Variants in NALF1 observed in about 807,000 individuals in gnomAD.
NALF1 encodes the protein family with sequence similarity 155 member A.
A neutral mutation model predicts 48.4 loss-of-function variants in NALF1; 3 were observed. The observed-to-expected ratio is 0.06, with a 90% CI of 0.03 to 0.16. The LOEUF (loss-of-function observed/expected upper bound fraction) is 0.16, where lower values mean the gene tolerates loss of function less well. Ranked by LOEUF, NALF1 falls within the 10% of genes least tolerant of loss-of-function variation. The probability of loss-of-function intolerance (pLI) is 1.00; values close to 1 mark genes in which losing one functional copy is unlikely to be tolerated. For synonymous variants in NALF1, 262 were observed against 245.7 expected (o/e 1.07, Z -0.62); for missense variants, 526 against 571.5 (o/e 0.92, Z 0.81).
chr13:107,849,536 T>G (rs1365067747), intron 1 of NALF1, among the ~76,000 whole-genome samples: 1 of 152,088 alleles, frequency 6.6e-6, no homozygotes, highest in East Asian at 1.9e-4. Context: ...GCCCAAGGCC[T>G]CTCTATGAGG....
intron 1 of NALF1, among the ~76,000 whole-genome samples, chr13:107,653,897 T>G (rs2138470161): frequency 6.6e-6 from 1 of 152,178 alleles, no homozygotes; most frequent in Non-Finnish European, 1.5e-5. Context: ...CAAAAATATC[T>G]TCTTTCATTT....
chr13:107,848,176 A>G (rs1880220459), intron 1 of NALF1, among the ~76,000 whole-genome samples: 1 of 152,214 alleles, frequency 6.6e-6, no homozygotes, highest in South Asian at 2.1e-4. Context: ...TGGTTTCTAC[A>G]AACTGTTAAC....
rs908596562 is a variant in NALF1 at position 107,177,218 on chromosome 13, C to T, written c.1088-6432G>A. On this transcript the variant is annotated intron_variant, in intron 2 of 2. Transcript: ENST00000375915. Reference sequence around the variant, plus strand: ...TGCAACATTGATGAAAGAAAGAGGACACAAAAAAATGGAAAGATATTCCAT... The same window carrying T: ...TGCAACATTGATGAAAGAAAGAGGATACAAAAAAATGGAAAGATATTCCAT... 4.6e-5 allele frequency among the ~76,000 whole-genome samples: 7 copies of T among 150,992 alleles called. No individual in the cohort carries two copies. The East Asian group carries it at 1.4e-3, about 29-fold the overall frequency.
chr13:107,268,223 C>T (rs1399650566), intron 1 of NALF1, among the ~76,000 whole-genome samples: 1 of 152,070 alleles, frequency 6.6e-6, no homozygotes, highest in African/African-American at 2.4e-5. Flanking sequence ...CTCTTGACCT[C>T]ATGTTCTGGC....
At chr13:107,765,203 C>T (rs910545030) in intron 1 of NALF1, among the ~76,000 whole-genome samples, 1 of 152,134 alleles carries the variant, frequency 6.6e-6, no homozygotes, top group Admixed American at 6.6e-5. Context: ...GAAATCTCAC[C>T]ACTTTCTTCA....
intron 1 of NALF1, among the ~76,000 whole-genome samples, chr13:107,764,643 A>G (rs541825187): frequency 2.0e-5 from 3 of 152,180 alleles, no homozygotes; most frequent in Non-Finnish European, 4.4e-5. Context: ...CATCAAGATG[A>G]CCATTCTGTG....
chr13:107,189,909 G>A (rs1022080155), intron 2 of NALF1, among the ~76,000 whole-genome samples: 3 of 152,336 alleles, frequency 2.0e-5, no homozygotes, highest in African/African-American at 7.2e-5. Context: ...ATGTCTGTGT[G>A]TCTTCGTGTT....
intron 1 of NALF1, among the ~76,000 whole-genome samples, chr13:107,717,754 T>C (rs1875865280): frequency 6.6e-6 from 1 of 152,184 alleles, no homozygotes. Context: ...TCCTTCTCTT[T>C]CTCCCCATCC....
intron 1 of NALF1, among the ~76,000 whole-genome samples, chr13:107,616,068 C>CCTTCGCAAAATTTGAAGTTA (rs1388521366): frequency 3.3e-5 from 5 of 152,120 alleles, no homozygotes; most frequent in African/African-American, 1.2e-4. Flanking sequence ...AATGACACCA[C>CCTTCGCAAAATTTGAAGTTA]CTCTCTTAAG....
At chr13:107,783,754 A>G (rs1366798949) in intron 1 of NALF1, among the ~76,000 whole-genome samples, 1 of 151,852 alleles carries the variant, frequency 6.6e-6, no homozygotes, top group Non-Finnish European at 1.5e-5. Context: ...TCTGCCTAGG[A>G]AAACCAGAGA....
chr13:107,781,186 T>G (rs916286357), intron 1 of NALF1, among the ~76,000 whole-genome samples: 1 of 152,220 alleles, frequency 6.6e-6, no homozygotes, highest in Non-Finnish European at 1.5e-5. Flanking sequence ...ATGAAAAATT[T>G]CATTTTGTTT....
At chr13:107,446,405 TCA>T (rs34962012) in intron 1 of NALF1, among the ~76,000 whole-genome samples, 6,177 of 145,932 alleles carry the variant, frequency 0.042, 153 homozygotes, top group African/African-American at 0.071. Flanking sequence ...ATAATTAAAT[TCA>T]CACACACACA....
intron 1 of NALF1, among the ~76,000 whole-genome samples, chr13:107,540,049 T>TGTACACACACACACACACAC (rs1555307598): frequency 2.3e-4 from 35 of 149,416 alleles, no homozygotes; most frequent in African/African-American, 7.1e-4. Flanking sequence ...GCTTCTGATG[T>TGTACACACACACACACACAC]ACACACACAC....
At chr13:107,782,004 G>C (rs1475799199) in intron 1 of NALF1, among the ~76,000 whole-genome samples, 5 of 152,100 alleles carry the variant, frequency 3.3e-5, no homozygotes, top group Non-Finnish European at 7.4e-5. Context: ...TCTGTGCAAT[G>C]GTTTTATAAG....
At chr13:107,341,347 C>T (rs528476766) in intron 1 of NALF1, among the ~76,000 whole-genome samples, 6 of 151,996 alleles carry the variant, frequency 3.9e-5, no homozygotes, top group South Asian at 2.1e-4. Flanking sequence ...GCAAAGTAAC[C>T]GAAATACCCT....
chr13:107,313,141 A>G (rs1258895028), intron 1 of NALF1, among the ~76,000 whole-genome samples: 1 of 152,174 alleles, frequency 6.6e-6, no homozygotes, highest in Non-Finnish European at 1.5e-5. Flanking sequence ...AAGAAAAGTA[A>G]AAGAAATGAC....
At chr13:107,650,785 G>A (rs1223287606) in intron 1 of NALF1, among the ~76,000 whole-genome samples, 1 of 152,034 alleles carries the variant, frequency 6.6e-6, no homozygotes, top group Non-Finnish European at 1.5e-5. Flanking sequence ...TATGAATGGA[G>A]CTGGAGACTA....
At chr13:107,766,163 C>T (rs1024366237) in intron 1 of NALF1, among the ~76,000 whole-genome samples, 3 of 152,130 alleles carry the variant, frequency 2.0e-5, no homozygotes, top group Admixed American at 6.6e-5. Flanking sequence ...TGAGGCCTTG[C>T]TACAGCCCCA....
intron 1 of NALF1, among the ~76,000 whole-genome samples, chr13:107,254,865 C>G (rs1425641931): frequency 6.6e-6 from 1 of 152,136 alleles, no homozygotes; most frequent in Admixed American, 6.5e-5. Flanking sequence ...CTAAAACACC[C>G]AGCTTAATTA....
Sources: allele counts gnomAD v4.1 joint callset (sites outside exome capture counted in the v4.1 genomes callset), GRCh38; gene constraint gnomAD v4.1.1; transcripts MANE v1.5; gene names NCBI Gene and HGNC (gene_info 2026-07-23, HGNC 2026-07-21).